MUC7: variants seen among roughly 807,000 people sequenced by gnomAD.
The protein encoded by MUC7 is mucin-7.
In MUC7, 2 loss-of-function variants were observed where a neutral mutation model predicts 2.5. The observed-to-expected ratio is 0.81, with a 90% confidence interval of 0.33 to 2.55. The LOEUF (loss-of-function observed/expected upper bound fraction) is 2.55. MUC7 is among the 30% of genes most tolerant of loss of function. The probability of loss-of-function intolerance (pLI) is 0.11; values close to 1 mark genes in which losing one functional copy is unlikely to be tolerated. For missense variants in MUC7, 408 were observed against 455.6 expected (o/e 0.90, Z 0.95); for synonymous variants, 133 against 173.4 (o/e 0.77, Z 1.83).
upstream of MUC7, among the ~76,000 whole-genome samples, chr4:70,468,746 G>A (rs565234248): frequency 9.2e-5 from 14 of 152,270 alleles, no homozygotes; most frequent in African/African-American, 3.1e-4. Context: ...ACTGCTCAAT[G>A]AAATAAGACA....
rs758321255 is a variant in MUC7 at position 70,481,784 on chromosome 4, C to A, written c.1040C>A (p.Pro347Gln). 18 of 1,614,076 alleles carry A rather than the reference C, an allele frequency of 1.1e-5. No homozygotes were observed. The highest frequency in any genetic ancestry group is 5.3e-5 in the African/African-American group (4 of 74,938). Residue 347 changes from proline (P) to glutamine (Q), a missense_variant, in exon 3 of 3, where the codon CCA becomes CAA. Pro to Gln is a moderately conservative substitution (Grantham distance 76, BLOSUM62 -1). Coordinates refer to ENST00000304887, the MANE Select transcript of MUC7 (RefSeq NM_152291.3). ...ACTCAAACTACTACTACTAAACAAC[C>A]AACTTCAGCTCCTGGCCAAAATAAA... Reference protein sequence around the residue: ...VTTQTTTTKQPTSAPGQNKIS... With the variant: ...VTTQTTTTKQQTSAPGQNKIS...
chr4:70,444,345 A>T (rs1395692172), intron 1 of MUC7, among the ~76,000 whole-genome samples: 1 of 152,162 alleles, frequency 6.6e-6, no homozygotes, highest in Non-Finnish European at 1.5e-5. Context: ...TCTGTGGAAA[A>T]GGCCACAACA....
At chr4:70,436,121 G>C (rs758501323) in intron 1 of MUC7, among the ~76,000 whole-genome samples, 2 of 152,064 alleles carry the variant, frequency 1.3e-5, no homozygotes, top group Non-Finnish European at 2.9e-5. Flanking sequence ...CTTTCTCTCT[G>C]GCTGCCCTTA....
At chr4:70,472,955 A>G (rs1320168738) in intron 1 of MUC7, among the ~76,000 whole-genome samples, 1 of 152,222 alleles carries the variant, frequency 6.6e-6, no homozygotes. Flanking sequence ...TTACATATAT[A>G]ACCAAAATGA....
At chr4:70,438,461 G>GTTTTGT (rs1560544445) in intron 1 of MUC7, among the ~76,000 whole-genome samples, 56 of 104,164 alleles carry the variant, frequency 5.4e-4, no homozygotes, top group African/African-American at 2.1e-3. Flanking sequence ...TTTTGTTTTG[G>GTTTTGT]TTTGGTTTGG....
intron 2 of MUC7, among the ~76,000 whole-genome samples, chr4:70,478,236 A>G (rs1206069060): frequency 1.3e-5 from 2 of 152,146 alleles, no homozygotes; most frequent in African/African-American, 4.8e-5. Flanking sequence ...ATATGAATAA[A>G]CACTTTTAAA....
At chr4:70,467,189 TA>T (rs1734705745) in intron 1 of MUC7, among the ~76,000 whole-genome samples, 1 of 152,164 alleles carries the variant, frequency 6.6e-6, no homozygotes, top group South Asian at 2.1e-4. Context: ...AAGGCAGAAA[TA>T]AATAAGTTAT....
intron 1 of MUC7, among the ~76,000 whole-genome samples, chr4:70,450,930 A>G (rs1412208095): frequency 6.6e-6 from 1 of 152,110 alleles, no homozygotes; most frequent in Non-Finnish European, 1.5e-5. Context: ...GAGTGATGCC[A>G]GCACTTCCTT....
intron 1 of MUC7, among the ~76,000 whole-genome samples, chr4:70,453,406 A>G (rs1350546534): frequency 6.6e-6 from 1 of 152,162 alleles, no homozygotes; most frequent in Non-Finnish European, 1.5e-5. Context: ...CCCCACAGCC[A>G]CTGCCACCAC....
intron 1 of MUC7, among the ~76,000 whole-genome samples, chr4:70,445,577 C>T (rs1267606233): frequency 6.6e-6 from 1 of 152,172 alleles, no homozygotes; most frequent in Non-Finnish European, 1.5e-5. Flanking sequence ...AGCACAGCAC[C>T]TAGTCCTCCA....
chr4:70,472,440 A>G (rs1734858748), intron 1 of MUC7, 149 bp downstream of exon 1: 1 of 152,242 alleles, frequency 6.6e-6, no homozygotes, highest in Admixed American at 6.5e-5. Context: ...CTCAATTCAT[A>G]TGTTATTAGA....
chr4:70,454,789 G>A (rs4422472), intron 1 of MUC7, among the ~76,000 whole-genome samples: 122,428 of 152,080 alleles, frequency 0.81, 49,775 homozygotes, highest in Middle Eastern at 0.88. Flanking sequence ...CGGGGTGAAT[G>A]CAGAAGCGGG....
chr4:70,435,588 A>G (rs1560543357), intron 1 of MUC7, among the ~76,000 whole-genome samples: 1 of 152,154 alleles, frequency 6.6e-6, no homozygotes, highest in African/African-American at 2.4e-5. Context: ...GTTTGAACCT[A>G]TGTATATCTT....
In MUC7 at chr4:70,480,963, G is replaced by A. The variant is rs747504846; in HGVS notation, c.219G>A (p.Lys73=). 3 of 1,614,022 alleles carry A rather than the reference G, an allele frequency of 1.9e-6. No individual in the cohort carries two copies. The highest frequency in any genetic ancestry group is 2.5e-6 in the Non-Finnish European group (3 of 1,179,984). Residue 73 remains lysine (K), a synonymous_variant, in exon 3 of 3, where the codon AAG becomes AAA. Transcript: ENST00000304887. ...GTCTGCACAAACGCTGTAGGCCTAA[G>A]CTTCCACCTTCACCTAATAACCCCC... ...YKCLHKRCRP[K]LPPSPNNPPK...
chr4:70,440,043 A>T (rs1298550684), intron 1 of MUC7, among the ~76,000 whole-genome samples: 1 of 152,134 alleles, frequency 6.6e-6, no homozygotes, highest in African/African-American at 2.4e-5. Flanking sequence ...ATATAAAAAG[A>T]GGTCACCATA....
chr4:70,446,285 T>C (rs1463206761), intron 1 of MUC7, among the ~76,000 whole-genome samples: 1 of 152,210 alleles, frequency 6.6e-6, no homozygotes, highest in African/African-American at 2.4e-5. Context: ...TTGTCTTCAT[T>C]TGTAATAATG....
chr4:70,456,078 C>T (rs980636824), intron 1 of MUC7, among the ~76,000 whole-genome samples: 6 of 152,114 alleles, frequency 3.9e-5, no homozygotes, highest in African/African-American at 1.2e-4. Context: ...TAGGAGGTTC[C>T]AAAATTTTCC....
At chr4:70,434,281 T>C (rs924344788) in intron 1 of MUC7, among the ~76,000 whole-genome samples, 2 of 152,320 alleles carry the variant, frequency 1.3e-5, no homozygotes, top group Admixed American at 6.5e-5. Flanking sequence ...ATTGGAATAG[T>C]TTCAGAAAGA....
At chr4:70,458,924 T>G (rs1017889105) in intron 1 of MUC7, among the ~76,000 whole-genome samples, 1 of 152,068 alleles carries the variant, frequency 6.6e-6, no homozygotes, top group Non-Finnish European at 1.5e-5. Context: ...CGGGAAAATA[T>G]TTAATAGAAT....
Sources: gnomAD v4.1 joint callset for allele counts (sites outside exome capture counted in the v4.1 genomes callset) on GRCh38, gnomAD v4.1.1 for gene constraint, MANE v1.5 for transcripts, NCBI Gene and HGNC (gene_info 2026-07-23, HGNC 2026-07-21) for gene names.